Variants in ATOH8 observed in about 807,000 individuals in gnomAD.
ATOH8 encodes transcription factor ATOH8.
ATOH8 carries 9 observed loss-of-function variants against 21.2 expected under a neutral mutation model. The ratio of observed to expected loss-of-function variants is 0.42; its 90% CI spans 0.26 to 0.74. The LOEUF (loss-of-function observed/expected upper bound fraction) is 0.74. Ranked by LOEUF, ATOH8 falls within the 30% of genes least tolerant of loss-of-function variation. The pLI is 0.24. For missense variants in ATOH8, 524 were observed against 470.9 expected (o/e 1.11, Z -1.04); for synonymous variants, 253 against 224.0 (o/e 1.13, Z -1.16).
chr2:85,763,841 T>TGC (rs1391826479), intron 1 of ATOH8, 150 bp from the exon 2 acceptor site: 1 of 645,192 alleles, frequency 1.5e-6, no homozygotes, highest in Admixed American at 2.5e-5. Flanking sequence ...TGTGTGTGTG[T>TGC]GTGTGTGTGT....
intron 1 of ATOH8, among the ~76,000 whole-genome samples, chr2:85,760,441 G>A (rs1679837114): frequency 1.3e-5 from 2 of 152,070 alleles, no homozygotes; most frequent in African/African-American, 2.4e-5. Flanking sequence ...TCTCCATCCC[G>A]AGCTCAGGAG....
intron 2 of ATOH8, chr2:85,774,316 C>A (rs1481975345): frequency 3.0e-6 from 3 of 985,554 alleles, no homozygotes; most frequent in Non-Finnish European, 3.6e-6. Flanking sequence ...GCCCTGCCCA[C>A]TGCTCAGCCT....
At chr2:85,755,694 C>T (rs1034213941) in intron 1 of ATOH8, among the ~76,000 whole-genome samples, 2 of 152,072 alleles carry the variant, frequency 1.3e-5, no homozygotes, top group African/African-American at 4.8e-5. Context: ...TGCGGGCTGC[C>T]CTCACCAGAC....
At chr2:85,775,811 C>T (rs1680305977) in intron 2 of ATOH8, among the ~76,000 whole-genome samples, 1 of 152,190 alleles carries the variant, frequency 6.6e-6, no homozygotes, top group South Asian at 2.1e-4. Flanking sequence ...AGCCATGTGG[C>T]TCGTGTCTGG....
chr2:85,781,114 A>G, intron 2 of ATOH8: 2 of 982,402 alleles, frequency 2.0e-6, no homozygotes, highest in Non-Finnish European at 2.4e-6. Context: ...ACACCAGTGC[A>G]GCTTATGATG....
At chr2:85,758,690 CTCTGG>C (rs752673245) in intron 1 of ATOH8, among the ~76,000 whole-genome samples, 18 of 152,294 alleles carry the variant, frequency 1.2e-4, no homozygotes, top group Non-Finnish European at 1.8e-4. Flanking sequence ...GAGAGAGGCC[CTCTGG>C]TCTGGTCTGG....
chr2:85,770,577 T>G (rs770808973), intron 2 of ATOH8, among the ~76,000 whole-genome samples: 11 of 152,262 alleles, frequency 7.2e-5, no homozygotes, highest in Admixed American at 1.3e-4. Context: ...TTCTCTCAGC[T>G]GCCGTTTCTC....
At chr2:85,773,100 C>T in intron 2 of ATOH8, 1 of 350,410 alleles carries the variant, frequency 2.9e-6, no homozygotes, top group Non-Finnish European at 5.5e-6. Context: ...CTGAATAAAC[C>T]CCATGCACAC....
intron 1 of ATOH8, among the ~76,000 whole-genome samples, chr2:85,756,589 T>C (rs1679707035): frequency 6.6e-6 from 1 of 152,214 alleles, no homozygotes; most frequent in Admixed American, 6.5e-5. Context: ...AGTGCTTTGT[T>C]ACATCTCATG....
chr2:85,758,936 G>T (rs1679788821), intron 1 of ATOH8, among the ~76,000 whole-genome samples: 1 of 152,210 alleles, frequency 6.6e-6, no homozygotes, highest in Non-Finnish European at 1.5e-5. Context: ...CACAAGCTGT[G>T]CCCACCCTTG....
intron 2 of ATOH8, among the ~76,000 whole-genome samples, chr2:85,770,041 C>A (rs971551241): frequency 5.9e-5 from 9 of 152,194 alleles, no homozygotes; most frequent in African/African-American, 2.2e-4. Flanking sequence ...ATTTGAAAGT[C>A]GCTCCTAGAG....
intron 2 of ATOH8, among the ~76,000 whole-genome samples, chr2:85,778,301 C>CAT (rs1558616523): frequency 2.8e-5 from 4 of 141,390 alleles, no homozygotes; most frequent in African/African-American, 5.4e-5. Flanking sequence ...CACGTGCATA[C>CAT]GTGTGTGTGT....
intron 2 of ATOH8, chr2:85,773,975 A>T: frequency 1.8e-6 from 1 of 556,448 alleles, no homozygotes; most frequent in Non-Finnish European, 2.3e-6. Context: ...GCTGGTCCCT[A>T]CTCTTCCCTT....
intron 1 of ATOH8, among the ~76,000 whole-genome samples, chr2:85,757,075 G>A (rs796883095): frequency 2.0e-5 from 3 of 152,326 alleles, no homozygotes; most frequent in South Asian, 2.1e-4. Flanking sequence ...CTCCTTACAC[G>A]TGCTCAAGAG....
chr2:85,779,774 G>T (rs1261778547), intron 2 of ATOH8, among the ~76,000 whole-genome samples: 1 of 152,238 alleles, frequency 6.6e-6, no homozygotes, highest in Non-Finnish European at 1.5e-5. Flanking sequence ...GCAGCGGTAG[G>T]CACCTCCCAG....
At chr2:85,770,671 C>T (rs542610789) in intron 2 of ATOH8, among the ~76,000 whole-genome samples, 7 of 152,320 alleles carry the variant, frequency 4.6e-5, no homozygotes, top group Non-Finnish European at 1.0e-4. Flanking sequence ...CCCAGGTGAG[C>T]TGAGCTGGCT....
chr2:85,781,174 C>T (rs766815921), intron 2 of ATOH8: 32 of 692,240 alleles, frequency 4.6e-5, no homozygotes, highest in East Asian at 1.3e-4. Flanking sequence ...TATGTGAGTA[C>T]GCATATGCAT....
chr2:85,783,234 G>A (rs13429794), intron 2 of ATOH8, among the ~76,000 whole-genome samples: 6,889 of 152,270 alleles, frequency 0.045, 514 homozygotes, highest in African/African-American at 0.16. Flanking sequence ...TCCTCATCTA[G>A]TCATTCTCAA....
intron 2 of ATOH8, chr2:85,772,918 C>T (rs1029305645): frequency 4.8e-6 from 2 of 417,998 alleles, no homozygotes; most frequent in Non-Finnish European, 9.4e-6. Flanking sequence ...GTGCTCCTGA[C>T]ACTGCGGAAC....
Sources: gnomAD v4.1 joint callset for allele counts (sites outside exome capture counted in the v4.1 genomes callset) on GRCh38, gnomAD v4.1.1 for gene constraint, MANE v1.5 for transcripts, NCBI Gene and HGNC (gene_info 2026-07-23, HGNC 2026-07-21) for gene names.